The following ZNF385D variants were observed in gnomAD, a reference collection of about 807,000 sequenced individuals.
The protein encoded by ZNF385D is zinc finger protein 385D.
In ZNF385D, 15 loss-of-function variants were observed where a neutral mutation model predicts 35.8. That is an observed-to-expected ratio of 0.42 (90% CI 0.28 to 0.64). ZNF385D has a LOEUF of 0.64. Among genes scored for constraint, ZNF385D ranks in the 30% least tolerant of loss-of-function variants. ZNF385D has a pLI of 0.23. For synonymous variants in ZNF385D, 212 were observed against 186.8 expected, an observed-to-expected ratio of 1.13 and a Z score of -1.10; for missense variants, 474 against 494.6, an observed-to-expected ratio of 0.96 and a Z score of 0.39.
rs1478161655 is a variant in ZNF385D at position 21,673,128 on chromosome 3, TAA to T, written c.23-8102_23-8101del. Among the ~76,000 whole-genome samples, 11 of 152,252 alleles carry T rather than the reference TAA, an allele frequency of 7.2e-5. No homozygotes were observed. The East Asian group carries it at 2.1e-3, about 29-fold the overall frequency. On this transcript the variant is annotated intron_variant, in intron 1 of 7. Transcript: ENST00000281523. ...AAAATTTCCCTCCAGAGGAATTTCT[TAA>T]AATTAAATTTCACACCATGAATCAT...
intron 3 of ZNF385D, among the ~76,000 whole-genome samples, chr3:21,882,987 T>A (rs1359107820): frequency 1.3e-5 from 2 of 152,014 alleles, no homozygotes; most frequent in Admixed American, 6.6e-5. Context: ...GACTCCTCAC[T>A]ATTGAACAAA....
intron 1 of ZNF385D, among the ~76,000 whole-genome samples, chr3:21,695,532 T>C (rs1266115395): frequency 6.6e-6 from 1 of 152,158 alleles, no homozygotes; most frequent in Non-Finnish European, 1.5e-5. Context: ...AACTGACCAA[T>C]AGCCCATCCA....
At chr3:22,191,136 T>C (rs1372979538) in intron 2 of ZNF385D, among the ~76,000 whole-genome samples, 2 of 150,186 alleles carry the variant, frequency 1.3e-5, no homozygotes, top group African/African-American at 4.9e-5. Flanking sequence ...TATTGTTAAT[T>C]GGGTTAAATA....
intron 2 of ZNF385D, among the ~76,000 whole-genome samples, chr3:22,264,749 T>C (rs1700811277): frequency 1.3e-5 from 2 of 151,946 alleles, no homozygotes; most frequent in African/African-American, 2.4e-5. Context: ...CATGATCTAA[T>C]GAATAAAATC....
intron 1 of ZNF385D, among the ~76,000 whole-genome samples, chr3:21,697,645 A>G (rs1378690891): frequency 6.6e-6 from 1 of 152,216 alleles, no homozygotes; most frequent in Non-Finnish European, 1.5e-5. Context: ...ACAGCAAAAG[A>G]AATAATCAAC....
At chr3:22,221,319 A>C (rs548478536) in intron 2 of ZNF385D, among the ~76,000 whole-genome samples, 3 of 152,232 alleles carry the variant, frequency 2.0e-5, no homozygotes, top group East Asian at 3.9e-4. Flanking sequence ...CTTGTTATAA[A>C]ACCTGTGTAT....
chr3:22,147,644 C>G (rs966175235), intron 3 of ZNF385D, among the ~76,000 whole-genome samples: 4 of 151,926 alleles, frequency 2.6e-5, no homozygotes, highest in Admixed American at 2.6e-4. Context: ...CAACACCACT[C>G]GGAAAAAGAT....
chr3:22,158,982 A>G (rs1482287543), intron 3 of ZNF385D, among the ~76,000 whole-genome samples: 1 of 152,112 alleles, frequency 6.6e-6, no homozygotes, highest in Non-Finnish European at 1.5e-5. Flanking sequence ...CAAACCTAGA[A>G]AAGCAGAGGA....
At chr3:22,118,617 G>T (rs1184724264) in intron 3 of ZNF385D, among the ~76,000 whole-genome samples, 1 of 151,824 alleles carries the variant, frequency 6.6e-6, no homozygotes, top group Non-Finnish European at 1.5e-5. Context: ...AATGATATCG[G>T]TAAGAGGTTA....
At position 22,253,940 on chromosome 3, in the gene ZNF385D, C is replaced by T. The variant is rs192106005; in HGVS notation, c.107-84905G>A. The stretch of plus-strand genomic sequence containing the variant: ...AGAAAAAAATAACATTAAATTCATC[C>T]TCATCCAACATACCAATTCTTTCTA... On this transcript the variant is annotated intron_variant, in intron 2 of 5. Transcript: ENST00000494108. Among the ~76,000 whole-genome samples, 554 of 152,042 alleles carry T rather than the reference C, an allele frequency of 3.6e-3. 3 individuals carry two copies. The highest frequency in any genetic ancestry group is 0.012 in the African/African-American group (493 of 41,532).
intron 3 of ZNF385D, among the ~76,000 whole-genome samples, chr3:22,160,373 G>A (rs1479481899): frequency 3.3e-5 from 5 of 151,982 alleles, no homozygotes; most frequent in Admixed American, 6.6e-5. Flanking sequence ...AGCACAAATC[G>A]TCCTTGGAGA....
At position 21,638,285 on chromosome 3, in the gene ZNF385D, A is replaced by T. The variant is rs560327497; in HGVS notation, c.165+26601T>A. The stretch of plus-strand genomic sequence containing the variant: ...CCTTGACAGCATTGTTCTGTTTGTT[A>T]TACAACAAACAGGTTTGGAAATTAG... On this transcript the variant is annotated intron_variant, in intron 2 of 7. Transcript: ENST00000281523. Among the ~76,000 whole-genome samples, 4 of 152,214 alleles carry T rather than the reference A, an allele frequency of 2.6e-5. No homozygotes were observed. In the South Asian group the frequency reaches 6.2e-4, roughly 24 times the overall value.
intron 3 of ZNF385D, among the ~76,000 whole-genome samples, chr3:22,128,826 T>C (rs1049678633): frequency 1.3e-5 from 2 of 152,194 alleles, no homozygotes; most frequent in Admixed American, 1.3e-4. Flanking sequence ...ATCACTGAGC[T>C]TCCTCAAAAC....
At chr3:21,985,276 C>T (rs1694741444) in intron 3 of ZNF385D, among the ~76,000 whole-genome samples, 2 of 90,594 alleles carry the variant, frequency 2.2e-5, no homozygotes, top group Non-Finnish European at 4.5e-5. Flanking sequence ...CAGTTTTTGC[C>T]CATTCAGTAT....
intron 2 of ZNF385D, among the ~76,000 whole-genome samples, chr3:22,257,188 C>T (rs1027302125): frequency 6.6e-6 from 1 of 151,780 alleles, no homozygotes; most frequent in African/African-American, 2.4e-5. Flanking sequence ...AAATCTGCCC[C>T]CATATTTTCA....
chr3:21,576,382 G>A (rs1263882774), intron 2 of ZNF385D, among the ~76,000 whole-genome samples: 1 of 152,166 alleles, frequency 6.6e-6, no homozygotes, highest in Non-Finnish European at 1.5e-5. Context: ...TTTCCCTAAT[G>A]TTCTATGGTA....
intron 3 of ZNF385D, among the ~76,000 whole-genome samples, chr3:21,910,084 TAC>T (rs112815077): frequency 1.3e-4 from 20 of 149,174 alleles, no homozygotes; most frequent in Non-Finnish European, 2.4e-4. Context: ...ACATATATTT[TAC>T]ACACACACAC....
chr3:21,961,960 G>T (rs1281332994), intron 3 of ZNF385D, among the ~76,000 whole-genome samples: 3 of 152,132 alleles, frequency 2.0e-5, no homozygotes, highest in Non-Finnish European at 2.9e-5. Flanking sequence ...AAGTGACATG[G>T]GTTTTCAGGA....
At chr3:22,068,207 G>T (rs919582412) in intron 3 of ZNF385D, among the ~76,000 whole-genome samples, 1 of 152,112 alleles carries the variant, frequency 6.6e-6, no homozygotes, top group African/African-American at 2.4e-5. Context: ...TCTCTTAGAT[G>T]CTCTTTCAGA....
Sources: gnomAD v4.1 joint callset for allele counts (sites outside exome capture counted in the v4.1 genomes callset) on GRCh38, gnomAD v4.1.1 for gene constraint, MANE v1.5 for transcripts, NCBI Gene and HGNC (gene_info 2026-07-23, HGNC 2026-07-21) for gene names.